BRWD1: variants seen among roughly 807,000 people sequenced by gnomAD.
BRWD1 encodes bromodomain and WD repeat domain containing 1.
BRWD1 carries 82 observed loss-of-function variants against 251.2 expected under a neutral mutation model. The ratio of observed to expected loss-of-function variants is 0.33; its 90% CI spans 0.27 to 0.39. The LOEUF (loss-of-function observed/expected upper bound fraction) is 0.39. Ranked by LOEUF, BRWD1 falls within the 10% of genes least tolerant of loss-of-function variation. The pLI is 1.00. For synonymous variants in BRWD1, 918 were observed against 902.8 expected (o/e 1.02, Z -0.30); for missense variants, 2,233 against 2,711.6 (o/e 0.82, Z 3.92).
In BRWD1 at chr21:39,186,163, G is replaced by A. The variant is rs1040057700; in HGVS notation, c.*10096C>T. 6.6e-6 allele frequency: 1 copy of A among 152,114 alleles called. No homozygotes were observed. The highest frequency in any genetic ancestry group is 1.5e-5 in the Non-Finnish European group (1 of 68,010). The allele number at this position is 152,114 out of a possible 1,614,324, so 9.4% of individuals were successfully genotyped here. A position where few individuals can be genotyped will look rare whatever the true frequency, so the allele number is the denominator to read the frequency against. On this transcript the variant is annotated 3_prime_UTR_variant, in exon 41 of 41. Transcript: ENST00000342449. ...AAAAATATGACTGTTTTGATCTTAAGCTATACATTTTATTTTTATCTAACT... is the reference window on the plus strand; with the variant it reads ...AAAAATATGACTGTTTTGATCTTAAACTATACATTTTATTTTTATCTAACT...
Position 39,264,983 on chromosome 21 carries a change from T to TA in BRWD1, c.1566dup (p.Lys523Ter). ...AAATGCTGTCCATCCTGTGAAAACT[T>TA]ACAGTCAAACACAGCTCCATGTCCT... is the stretch of plus-strand genomic sequence containing the variant. On this transcript the variant is annotated frameshift_variant, in exon 16 of 41. Coordinates refer to ENST00000342449, the MANE Select transcript of BRWD1 (RefSeq NM_033656.4). LOFTEE classifies it high-confidence loss of function. 6.2e-7 allele frequency: 1 copy of TA among 1,613,966 alleles called. No individual in the cohort carries two copies. Among genetic ancestry groups the TA allele is most frequent in the Non-Finnish European group, 8.5e-7 (1 of 1,179,924 alleles).
Position 39,194,950 on chromosome 21 carries a change from C to T in BRWD1, c.*1309G>A, listed in dbSNP as rs987253831. ...TCCCTTACCCACTAAATATGTAAACCATTTGAATCAAGTCCATCTTCAGGC... is the reference window on the plus strand; with the variant it reads ...TCCCTTACCCACTAAATATGTAAACTATTTGAATCAAGTCCATCTTCAGGC... On this transcript the variant is annotated 3_prime_UTR_variant, in exon 41 of 41. Coordinates refer to ENST00000342449, the MANE Select transcript of BRWD1 (RefSeq NM_033656.4). 28 of 1,458,872 alleles carry T rather than the reference C, an allele frequency of 1.9e-5. No homozygotes were observed. The Admixed American group carries it at 5.4e-4, about 28-fold the overall frequency. The allele number at this position is 1,458,872 out of a possible 1,614,324, so 90.4% of individuals were successfully genotyped here.
chr21:39,243,125 G>A lies in BRWD1; in HGVS notation c.2482-4552C>T, dbSNP rs912167322. 4.6e-5 allele frequency among the ~76,000 whole-genome samples: 7 copies of A among 152,260 alleles called. No individual in the cohort carries two copies. The South Asian group carries it at 6.2e-4, about 14-fold the overall frequency. On this transcript the variant is annotated intron_variant, in intron 21 of 40. Coordinates refer to ENST00000342449, the MANE Select transcript of BRWD1 (RefSeq NM_033656.4). ...CCACCTTAGGAAGTGATCAAAGCAC[G>A]TATCACCAGTAGTGGGACAAAACAA...
In BRWD1 at chr21:39,187,403, C is replaced by T. The variant is rs146778195; in HGVS notation, c.*8856G>A. On this transcript the variant is annotated 3_prime_UTR_variant, in exon 41 of 41. Coordinates refer to ENST00000342449, the MANE Select transcript of BRWD1 (RefSeq NM_033656.4). ...CTCACTTTTGTATTGGGTTCTCTGT[C>T]TCTAGGAACAAATTCTGAAAAATGA... is the stretch of plus-strand genomic sequence containing the variant. The T allele has an allele frequency of 1.1e-4, 166 of 1,556,690 alleles. No individual in the cohort carries two copies. In the African/African-American group the frequency reaches 2.0e-3, roughly 19 times the overall value.
At chr21:39,210,244 G>C in intron 35 of BRWD1, 97 bp from the exon 36 acceptor site, 2 of 1,068,192 alleles carry the variant, frequency 1.9e-6, no homozygotes, top group Non-Finnish European at 2.7e-6. Context: ...TGATGGAAGA[G>C]AGGAAAAGGT....
chr21:39,313,680 A>C, upstream of BRWD1: 1 of 370,502 alleles, frequency 2.7e-6, no homozygotes, highest in Non-Finnish European at 4.8e-6. Context: ...GCGGGAGACG[A>C]AAAGTAGTCC....
chr21:39,316,039 A>C (rs774317898), upstream of BRWD1, among the ~76,000 whole-genome samples: 7 of 152,212 alleles, frequency 4.6e-5, no homozygotes, highest in Non-Finnish European at 7.3e-5. Flanking sequence ...GGATGGGACC[A>C]TGATGTCAGA....
At chr21:39,260,455 A>G (rs547806539) in intron 17 of BRWD1, among the ~76,000 whole-genome samples, 2 of 152,312 alleles carry the variant, frequency 1.3e-5, no homozygotes, top group African/African-American at 4.8e-5. Context: ...TTTCTTTCAT[A>G]GCACAGAACA....
Position 39,313,096 on chromosome 21 carries a change from C to G in BRWD1, c.114G>C (p.Leu38=). 2.0e-6 allele frequency: 3 copies of G among 1,495,574 alleles called. No homozygotes were observed. The highest frequency in any genetic ancestry group is 2.7e-6 in the Non-Finnish European group (3 of 1,124,858). 92.6% of individuals were successfully genotyped at this position (1,495,574 alleles called of 1,614,324 possible). Residue 38 remains leucine, a synonymous_variant, in exon 3 of 41, where the codon CTG becomes CTC. Transcript: ENST00000342449. Reference sequence around the variant, plus strand: ...CCTGGTACTGCTCCAGCTCCTGCACCAGCACCTGCGGCCGAGAGACGCGCG... The same window carrying G: ...CCTGGTACTGCTCCAGCTCCTGCACGAGCACCTGCGGCCGAGAGACGCGCG... The part of the protein sequence containing the change: ...AGPCRRAAQV[L]VQELEQYQLL...
intron 18 of BRWD1, among the ~76,000 whole-genome samples, chr21:39,257,440 A>T (rs1007633902): frequency 3.3e-5 from 5 of 152,154 alleles, no homozygotes; most frequent in Non-Finnish European, 7.3e-5. Context: ...TCTTGTGAAA[A>T]CAACAGGCCT....
At position 39,313,461 on chromosome 21, in the gene BRWD1, C is replaced by T; in HGVS notation, c.31G>A (p.Val11Met). 1 of 1,352,600 alleles carries T rather than the reference C, an allele frequency of 7.4e-7. No homozygotes were observed. The highest frequency in any genetic ancestry group is 9.5e-7 in the Non-Finnish European group (1 of 1,057,994). The allele number at this position is 1,352,600 out of a possible 1,614,324, so 83.8% of individuals were successfully genotyped here. A position where few individuals can be genotyped will look rare whatever the true frequency, so the allele number is the denominator to read the frequency against. The change falls in exon 1 of 41, where the codon GTG (valine) becomes ATG (methionine). Residue 11 changes from valine (V) to methionine (M), a missense_variant. By Grantham distance (21) the Val-to-Met change is conservative (BLOSUM62 1). Coordinates refer to ENST00000342449, the MANE Select transcript of BRWD1 (RefSeq NM_033656.4). Reference protein sequence around the residue: MAEPSSARRPVPLIESELYFL... With the variant: MAEPSSARRPMPLIESELYFL... The stretch of plus-strand genomic sequence containing the variant: ...GTCTTACCCGACTCGATGAGAGGCA[C>T]CGGGCGTCGGGCGGACGACGGCTCC...
rs2410104 is a variant in BRWD1, at chr21:39,192,538, T to C, written c.*3721A>G. On this transcript the variant is annotated 3_prime_UTR_variant, in exon 41 of 41. Coordinates refer to ENST00000342449, the MANE Select transcript of BRWD1 (RefSeq NM_033656.4). ...AGTTCTACAATGACTTGTTGCACTC[T>C]ATCACATTAAAATAATTGAACTATA... 0.93 allele frequency: 915,617 copies of C among 984,090 alleles called. 426,740 individuals are homozygous for C. The highest frequency in any genetic ancestry group is 0.97 in the African/African-American group (55,539 of 57,288). The allele number at this position is 984,090 out of a possible 1,614,324, so 61.0% of individuals were successfully genotyped here.
chr21:39,188,777 C>A lies in BRWD1; in HGVS notation c.*7482G>T, dbSNP rs2031388289. The A allele has an allele frequency of 1.0e-6, 1 of 985,272 alleles. No homozygotes were observed. The highest frequency in any genetic ancestry group is 1.7e-5 in the African/African-American group (1 of 57,230). 61.0% of individuals were successfully genotyped at this position (985,272 alleles called of 1,614,324 possible). On this transcript the variant is annotated 3_prime_UTR_variant, in exon 41 of 41. Coordinates refer to ENST00000342449, the MANE Select transcript of BRWD1 (RefSeq NM_033656.4). ...TAGGAAATACTTTATTCAAAGCAAC[C>A]CCACCACATACACATCAGTTCCTTT...
At position 39,188,052 on chromosome 21, in the gene BRWD1, A is replaced by G. The variant is rs2031344318; in HGVS notation, c.*8207T>C. 4.1e-6 allele frequency: 4 copies of G among 985,424 alleles called. No individual in the cohort carries two copies. Among genetic ancestry groups the G allele is most frequent in the African/African-American group, 1.7e-5 (1 of 57,366 alleles). 61.0% of individuals were successfully genotyped at this position (985,424 alleles called of 1,614,324 possible). ...TCACACTGGAGCTCTACACAGCCACATGATGCCAGAGCTACTACTCCGTGC... is the reference window on the plus strand; with the variant it reads ...TCACACTGGAGCTCTACACAGCCACGTGATGCCAGAGCTACTACTCCGTGC... On this transcript the variant is annotated 3_prime_UTR_variant, in exon 41 of 41. Transcript: ENST00000342449.
chr21:39,214,974 C>T (rs2032824061), intron 32 of BRWD1, among the ~76,000 whole-genome samples: 1 of 150,876 alleles, frequency 6.6e-6, no homozygotes, highest in African/African-American at 2.4e-5. Context: ...TCACTGTAAC[C>T]ACCACCTCCT....
intron 32 of BRWD1, 43 bp downstream of exon 32, chr21:39,215,194 C>T (rs373200215): frequency 1.6e-5 from 26 of 1,592,356 alleles, no homozygotes; most frequent in Non-Finnish European, 1.5e-5. Flanking sequence ...GTTAATAGCA[C>T]AATATGCAGT....
At position 39,193,053 on chromosome 21, in the gene BRWD1, T is replaced by G. The variant is rs2031635303; in HGVS notation, c.*3206A>C. The G allele has an allele frequency of 4.1e-6, 4 of 985,184 alleles. No individual in the cohort carries two copies. The highest frequency in any genetic ancestry group is 4.8e-6 in the Non-Finnish European group (4 of 829,744). The allele number at this position is 985,184 out of a possible 1,614,324, so 61.0% of individuals were successfully genotyped here. A position where few individuals can be genotyped will look rare whatever the true frequency, so the allele number is the denominator to read the frequency against. ...AGTGATGCATCTTATTCTTTACTTT[T>G]GGACAGTAACACCCTCAGATGGTAT... On this transcript the variant is annotated 3_prime_UTR_variant, in exon 41 of 41. Transcript: ENST00000342449.
intron 4 of BRWD1, among the ~76,000 whole-genome samples, chr21:39,311,633 T>C (rs994157970): frequency 6.6e-6 from 1 of 152,240 alleles, no homozygotes; most frequent in Non-Finnish European, 1.5e-5. Context: ...AAATGTTTCC[T>C]CAACGTTTAC....
At chr21:39,318,255 A>G (rs2036717744), upstream of BRWD1, among the ~76,000 whole-genome samples, 1 of 152,198 alleles carries the variant, frequency 6.6e-6, no homozygotes, top group Non-Finnish European at 1.5e-5. Flanking sequence ...CAATTCACAT[A>G]AGAGAGTGGT....
Sources: gnomAD v4.1 joint callset for allele counts (sites outside exome capture counted in the v4.1 genomes callset) on GRCh38, gnomAD v4.1.1 for gene constraint, MANE v1.5 for transcripts, NCBI Gene and HGNC (gene_info 2026-07-23, HGNC 2026-07-21) for gene names.